The following HEXB variants were observed in gnomAD, a reference collection of about 807,000 sequenced individuals.
HEXB encodes hexosaminidase subunit beta.
In HEXB, 51 loss-of-function variants were observed where a neutral mutation model predicts 71.2. The ratio of observed to expected loss-of-function variants is 0.72; its 90% CI spans 0.57 to 0.90. The LOEUF (loss-of-function observed/expected upper bound fraction) is 0.90, where lower values mean the gene tolerates loss of function less well. HEXB is among the 40% of genes least tolerant of loss of function. HEXB has a pLI of 0.00. For synonymous variants in HEXB, 266 were observed against 249.3 expected (o/e 1.07, Z -0.63); for missense variants, 617 against 677.0 (o/e 0.91, Z 0.98).
At chr5:74,716,363 G>A (rs1749673063) in intron 8 of HEXB, among the ~76,000 whole-genome samples, 2 of 152,162 alleles carry the variant, frequency 1.3e-5, no homozygotes, top group African/African-American at 4.8e-5. Context: ...GAGAAAGGTG[G>A]TAAGGTAAAG....
At chr5:74,668,230 T>TGTG (rs1748470399) in intron 1 of HEXB, among the ~76,000 whole-genome samples, 2 of 148,580 alleles carry the variant, frequency 1.3e-5, no homozygotes, top group African/African-American at 2.5e-5. Flanking sequence ...TTTGTTTTGT[T>TGTG]TGTGTGTGTG....
chr5:74,680,258 C>T (rs972369321), upstream of HEXB, among the ~76,000 whole-genome samples: 10 of 152,242 alleles, frequency 6.6e-5, no homozygotes, highest in African/African-American at 2.4e-4. Flanking sequence ...GGAACTTCAA[C>T]ATTTGCCTGG....
chr5:74,644,639 G>C (rs957194107), intron 1 of HEXB, among the ~76,000 whole-genome samples: 3 of 152,000 alleles, frequency 2.0e-5, no homozygotes, highest in Non-Finnish European at 4.4e-5. Flanking sequence ...GAAGACAAAG[G>C]GTCTAAATCG....
intron 6 of HEXB, among the ~76,000 whole-genome samples, chr5:74,712,704 C>A (rs1749578215): frequency 6.6e-6 from 1 of 152,042 alleles, no homozygotes; most frequent in Non-Finnish European, 1.5e-5. Flanking sequence ...CCCACAGTGT[C>A]AATTAATATG....
intron 1 of HEXB, among the ~76,000 whole-genome samples, chr5:74,665,132 G>A (rs1051840262): frequency 6.6e-6 from 1 of 152,132 alleles, no homozygotes; most frequent in Non-Finnish European, 1.5e-5. Context: ...AAATAAGAAA[G>A]TGGTTCAATA....
intron 1 of HEXB, among the ~76,000 whole-genome samples, chr5:74,666,602 C>A (rs1203764334): frequency 6.6e-6 from 1 of 152,190 alleles, no homozygotes; most frequent in Non-Finnish European, 1.5e-5. Flanking sequence ...AAGTCACAGC[C>A]CTAAGAGGCC....
intron 1 of HEXB, among the ~76,000 whole-genome samples, chr5:74,677,216 G>T (rs1030490376): frequency 2.0e-5 from 3 of 152,054 alleles, no homozygotes; most frequent in African/African-American, 7.2e-5. Context: ...CCAGAAACAT[G>T]AAGATAATGA....
intron 6 of HEXB, among the ~76,000 whole-genome samples, chr5:74,709,822 G>C (rs932269105): frequency 9.9e-5 from 15 of 152,120 alleles, no homozygotes; most frequent in Non-Finnish European, 1.5e-5. Context: ...AAGAGTCCAG[G>C]ACCAGATGGA....
intron 6 of HEXB, among the ~76,000 whole-genome samples, chr5:74,711,578 A>T (rs911340077): frequency 2.9e-3 from 449 of 152,318 alleles, no homozygotes; most frequent in Non-Finnish European, 4.9e-3. Context: ...AACACAAACA[A>T]ATTTACAAGA....
intron 1 of HEXB, among the ~76,000 whole-genome samples, chr5:74,677,021 G>T (rs1188566177): frequency 6.6e-6 from 1 of 151,866 alleles, no homozygotes; most frequent in Non-Finnish European, 1.5e-5. Context: ...CGAGTAACTG[G>T]GATTACAGGC....
At chr5:74,699,588 TAACAGTTGAATA>T (rs769180176) in intron 5 of HEXB, among the ~76,000 whole-genome samples, 3 of 152,146 alleles carry the variant, frequency 2.0e-5, no homozygotes, top group Non-Finnish European at 4.4e-5. Flanking sequence ...GCTACTCTTT[TAACAGTTGAATA>T]TTTCATTTTA....
chr5:74,701,794 G>A (rs552827790), intron 5 of HEXB, among the ~76,000 whole-genome samples: 24 of 151,696 alleles, frequency 1.6e-4, no homozygotes, highest in Admixed American at 1.0e-3. Flanking sequence ...CTAAAAATAC[G>A]TTTTCTAAAC....
intron 2 of HEXB, among the ~76,000 whole-genome samples, chr5:74,690,393 TA>T (rs1748972122): frequency 6.6e-6 from 1 of 152,060 alleles, no homozygotes. Context: ...CTCATACCTG[TA>T]ATCCCAGCAC....
At chr5:74,719,039 G>A in intron 11 of HEXB, 68 bp downstream of exon 11, 1 of 1,482,556 alleles carries the variant, frequency 6.7e-7, no homozygotes. Context: ...AGCAACCATT[G>A]TTACCTTTGT....
chr5:74,715,715 T>TAAAAAAA, intron 8 of HEXB, 25 bp downstream of exon 8: 1 of 1,418,724 alleles, frequency 7.0e-7, no homozygotes, highest in Non-Finnish European at 9.7e-7. Flanking sequence ...TAAAACCCCT[T>TAAAAAAA]TAAAAAAAAA....
intron 1 of HEXB, among the ~76,000 whole-genome samples, chr5:74,675,340 G>A (rs1748611838): frequency 6.6e-6 from 1 of 152,162 alleles, no homozygotes; most frequent in Non-Finnish European, 1.5e-5. Context: ...GGCTATGGAG[G>A]TCCAGGGAGA....
chr5:74,665,910 G>A (rs1018705862), intron 1 of HEXB, among the ~76,000 whole-genome samples: 4 of 152,100 alleles, frequency 2.6e-5, no homozygotes, highest in Non-Finnish European at 5.9e-5. Flanking sequence ...TCTCTGGGGA[G>A]CTATGAAAAT....
intron 1 of HEXB, among the ~76,000 whole-genome samples, chr5:74,663,718 T>C (rs1200332239): frequency 6.6e-6 from 1 of 152,186 alleles, no homozygotes; most frequent in East Asian, 1.9e-4. Context: ...CCATTACATA[T>C]AGATCAAGGG....
intron 7 of HEXB, among the ~76,000 whole-genome samples, chr5:74,714,711 AT>A (rs1254130941): frequency 6.6e-6 from 1 of 152,176 alleles, no homozygotes; most frequent in African/African-American, 2.4e-5. Context: ...CTATCATGTA[AT>A]TTTTTTGAGA....
Sources: gnomAD v4.1 joint callset for allele counts (sites outside exome capture counted in the v4.1 genomes callset) on GRCh38, gnomAD v4.1.1 for gene constraint, MANE v1.5 for transcripts, NCBI Gene and HGNC (gene_info 2026-07-23, HGNC 2026-07-21) for gene names.